TMEM33: variants seen among roughly 807,000 people sequenced by gnomAD.
The protein encoded by TMEM33 is transmembrane protein 33.
Under a neutral mutation model 29.7 loss-of-function variants are expected in TMEM33, and 16 were observed. The ratio of observed to expected loss-of-function variants is 0.54; its 90% CI spans 0.36 to 0.82. The LOEUF is 0.82. Ranked by LOEUF, TMEM33 falls within the 40% of genes least tolerant of loss-of-function variation. The probability of loss-of-function intolerance (pLI) is 0.00; values close to 1 mark genes in which losing one functional copy is unlikely to be tolerated. For synonymous variants in TMEM33, 112 were observed against 109.4 expected (o/e 1.02, Z -0.15); for missense variants, 252 against 295.3 (o/e 0.85, Z 1.08).
At position 41,954,342 on chromosome 4, in the gene TMEM33, T is replaced by A; in HGVS notation, c.*143T>A. 1 of 965,154 alleles carries A rather than the reference T, an allele frequency of 1.0e-6. No individual in the cohort carries two copies. Among genetic ancestry groups the A allele is most frequent in the Non-Finnish European group, 1.5e-6 (1 of 688,078 alleles). 59.8% of individuals were successfully genotyped at this position (965,154 alleles called of 1,614,324 possible). ...TAAATGCATCTCGGTGGAAAAATAA[T>A]CATTTTCTTGGCATGTTAAATCAAG... On this transcript the variant is annotated 3_prime_UTR_variant, in exon 7 of 7. Transcript: ENST00000504986.
At position 41,935,635 on chromosome 4, in the gene TMEM33, G is replaced by A; in HGVS notation, c.45+106G>A. 2.6e-6 allele frequency: 3 copies of A among 1,167,932 alleles called. No homozygotes were observed. In the South Asian group the frequency reaches 4.1e-5, roughly 16 times the overall value. The allele number at this position is 1,167,932 out of a possible 1,614,324, so 72.3% of individuals were successfully genotyped here. A position where few individuals can be genotyped will look rare whatever the true frequency, so the allele number is the denominator to read the frequency against. ...CCAGAAGCTCAGTGCATTCAGGAAT[G>A]GGATTAATGAGTTGGGGTGGGGAAG... is the stretch of plus-strand genomic sequence containing the variant. On this transcript the variant is annotated intron_variant, in intron 1 of 6. Coordinates refer to ENST00000504986, the MANE Select transcript of TMEM33 (RefSeq NM_018126.3).
intron 6 of TMEM33, 195 bp from the exon 7 acceptor site, chr4:41,953,875 T>C (rs1164367662): frequency 1.5e-6 from 1 of 645,682 alleles, no homozygotes; most frequent in Admixed American, 2.1e-5. Flanking sequence ...GTGGAAGAAT[T>C]GGCAAAGTGT....
chr4:41,945,059 C>T, intron 5 of TMEM33, 133 bp downstream of exon 5: 2 of 1,062,490 alleles, frequency 1.9e-6, no homozygotes, highest in South Asian at 3.5e-5. Context: ...TTAGCAGTTG[C>T]CTAATCTAAC....
At chr4:41,936,902 ATTTG>A (rs2153126245) in intron 1 of TMEM33, among the ~76,000 whole-genome samples, 1 of 152,242 alleles carries the variant, frequency 6.6e-6, no homozygotes, top group African/African-American at 2.4e-5. Context: ...TCATTGCAGA[ATTTG>A]TTTGATTATT....
chr4:41,955,278 T>C lies in TMEM33; in HGVS notation c.*1079T>C, dbSNP rs1211304504. 6.6e-6 allele frequency: 1 copy of C among 152,552 alleles called. No individual in the cohort carries two copies. The highest frequency in any genetic ancestry group is 1.5e-5 in the Non-Finnish European group (1 of 68,020). The allele number at this position is 152,552 out of a possible 1,614,324, so 9.4% of individuals were successfully genotyped here. On this transcript the variant is annotated 3_prime_UTR_variant, in exon 7 of 7. Transcript: ENST00000504986. Reference sequence around the variant, plus strand: ...AGGGGGAGGAGTTGTGGGGGAATAATGTGCATTTCAGTCTCAACGCATAGA... The same window carrying C: ...AGGGGGAGGAGTTGTGGGGGAATAACGTGCATTTCAGTCTCAACGCATAGA...
At chr4:41,938,117 A>G (rs1256213025) in intron 1 of TMEM33, among the ~76,000 whole-genome samples, 4 of 152,208 alleles carry the variant, frequency 2.6e-5, no homozygotes, top group South Asian at 2.1e-4. Context: ...TTTAATCCCA[A>G]CTGGCTTTAT....
chr4:41,936,606 C>T (rs1023493795), intron 1 of TMEM33, among the ~76,000 whole-genome samples: 2 of 152,100 alleles, frequency 1.3e-5, no homozygotes, highest in East Asian at 1.9e-4. Context: ...CCTATAGTCC[C>T]AGCATAGTCC....
At position 41,944,776 on chromosome 4, in the gene TMEM33, GTTTTC is replaced by G. The variant is rs1553910880; in HGVS notation, c.397-12_397-8del. 1 of 1,610,566 alleles carries G rather than the reference GTTTTC, an allele frequency of 6.2e-7. No homozygotes were observed. The highest frequency in any genetic ancestry group is 1.3e-5 in the African/African-American group (1 of 74,714). ...AATGCTTCACTTATTTCTAATGTTG[GTTTTC>G]TTTTGTTTTAGGCAAGGGGCTCAAA... On this transcript the variant is annotated splice_polypyrimidine_tract_variant and intron_variant, in intron 4 of 6. Transcript: ENST00000504986.
chr4:41,944,799 G>A lies in TMEM33; in HGVS notation c.403G>A (p.Gly135Ser), dbSNP rs763292104. 2 of 1,612,602 alleles carry A rather than the reference G, an allele frequency of 1.2e-6. No individual in the cohort carries two copies. Among genetic ancestry groups the A allele is most frequent in the South Asian group, 1.1e-5 (1 of 90,838 alleles). The change falls in exon 5 of 7, where the codon GGC (glycine) becomes AGC (serine). Residue 135 changes from glycine (G) to serine (S), a missense_variant. Coordinates refer to ENST00000504986, the MANE Select transcript of TMEM33 (RefSeq NM_018126.3). Reference sequence around the variant, plus strand: ...TGGTTTTCTTTTGTTTTAGGCAAGGGGCTCAAATAGTTTACCTCTGCTGAG... The same window carrying A: ...TGGTTTTCTTTTGTTTTAGGCAAGGAGCTCAAATAGTTTACCTCTGCTGAG... ...TYTKKVLDAR[G>S]SNSLPLLRSV...
Position 41,949,310 on chromosome 4 carries a change from G to A in TMEM33, c.539G>A (p.Gly180Glu), listed in dbSNP as rs555294085. 2 of 1,607,764 alleles carry A rather than the reference G, an allele frequency of 1.2e-6. No homozygotes were observed. The highest frequency in any genetic ancestry group is 1.7e-5 in the Admixed American group (1 of 59,134). The stretch of plus-strand genomic sequence containing the variant: ...GTATTTGTTTATTTCAGTGGTCAAG[G>A]AAGTTTGCTCCAACCTTTTATATAC... ...ATVFMLFSGQ[G>E]SLLQPFIYYR... The change falls in exon 6 of 7, where the codon GGA (glycine) becomes GAA (glutamate). Residue 180 changes from glycine (G) to glutamate (E), a missense_variant. By Grantham distance (98) the Gly-to-Glu change is moderately conservative. Transcript: ENST00000504986.
rs1713282906 is a variant in TMEM33 at position 41,956,487 on chromosome 4, C to A, written c.*2288C>A. ...TTTCCTTTTGTGTGCTCTGTTTATA[C>A]CATGATCCATGATTTTTTTAAAATC... On this transcript the variant is annotated 3_prime_UTR_variant, in exon 7 of 7. Coordinates refer to ENST00000504986, the MANE Select transcript of TMEM33 (RefSeq NM_018126.3). 6.6e-6 allele frequency: 1 copy of A among 151,714 alleles called. No homozygotes were observed. The allele number at this position is 151,714 out of a possible 1,614,324, so 9.4% of individuals were successfully genotyped here.
chr4:41,942,750 A>G (rs140835413), intron 3 of TMEM33, among the ~76,000 whole-genome samples: 136 of 152,264 alleles, frequency 8.9e-4, no homozygotes, highest in Admixed American at 1.6e-3. Flanking sequence ...ATGTATGTTT[A>G]TCCATGGCAT....
rs747354114 is a variant in TMEM33 at position 41,954,160 on chromosome 4, C to T, written c.705C>T (p.Ser235=). ...TTGTGAGAAGACTTTGTCTCCAGAG[C>T]ATTGCCTTTATAAGCAGATTGGCAC... ...PLFVRRLCLQ[S]IAFISRLAPT... is the part of the protein sequence containing the mutation. The change falls in exon 7 of 7, where the codon AGC becomes AGT. Residue 235 remains serine, a synonymous_variant. Transcript: ENST00000504986. 7 of 1,613,804 alleles carry T rather than the reference C, an allele frequency of 4.3e-6. No individual in the cohort carries two copies. The highest frequency in any genetic ancestry group is 1.6e-4 in the Middle Eastern group (1 of 6,084).
rs1421480755 is a variant in TMEM33, at chr4:41,944,793, G to T, written c.397G>T (p.Ala133Ser). 5.6e-6 allele frequency: 9 copies of T among 1,612,108 alleles called. No homozygotes were observed. Among genetic ancestry groups the T allele is most frequent in the Non-Finnish European group, 7.6e-6 (9 of 1,179,426 alleles). The change falls in exon 5 of 7, where the codon GCA (alanine) becomes TCA (serine). Residue 133 changes from alanine (A) to serine (S), a missense_variant and splice_region_variant. By Grantham distance (99) the Ala-to-Ser change is moderately conservative. Coordinates refer to ENST00000504986, the MANE Select transcript of TMEM33 (RefSeq NM_018126.3). ...AATYTKKVLD[A>S]RGSNSLPLLR... is the part of the protein sequence containing the mutation. ...TAATGTTGGTTTTCTTTTGTTTTAG[G>T]CAAGGGGCTCAAATAGTTTACCTCT...
intron 1 of TMEM33, 96 bp downstream of exon 1, chr4:41,935,625 A>C: frequency 7.9e-7 from 1 of 1,260,050 alleles, no homozygotes. Flanking sequence ...AGCTCAGTGC[A>C]TTCAGGAATG....
At position 41,939,274 on chromosome 4, in the gene TMEM33, A is replaced by G; in HGVS notation, c.219A>G (p.Arg73=). Reference sequence around the variant, plus strand: ...CCAGTGCTCTGAGGCTGCATCAAAGATTACCACACTTCCAGTTAAGCAGAG... The same window carrying G: ...CCAGTGCTCTGAGGCTGCATCAAAGGTTACCACACTTCCAGTTAAGCAGAG... ...ALTSALRLHQ[R]LPHFQLSRAF... Residue 73 remains arginine (R), a synonymous_variant, in exon 3 of 7, where the codon AGA becomes AGG. Coordinates refer to ENST00000504986, the MANE Select transcript of TMEM33 (RefSeq NM_018126.3). 1.9e-6 allele frequency: 3 copies of G among 1,613,678 alleles called. No individual in the cohort carries two copies. The highest frequency in any genetic ancestry group is 4.5e-5 in the East Asian group (2 of 44,880).
chr4:41,936,233 G>A (rs1214746248), intron 1 of TMEM33, among the ~76,000 whole-genome samples: 1 of 152,168 alleles, frequency 6.6e-6, no homozygotes, highest in Non-Finnish European at 1.5e-5. Flanking sequence ...CTTCATCTGG[G>A]ATTCTGTCAA....
At chr4:41,950,492 G>A (rs749491839) in intron 6 of TMEM33, among the ~76,000 whole-genome samples, 14 of 152,088 alleles carry the variant, frequency 9.2e-5, no homozygotes, top group Non-Finnish European at 1.5e-4. Context: ...GGGGTGAAGC[G>A]AAGTAATATT....
intron 6 of TMEM33, chr4:41,953,803 T>C (rs772334497): frequency 2.0e-6 from 1 of 490,042 alleles, no homozygotes; most frequent in South Asian, 1.5e-5. Flanking sequence ...ACCAAAGAGA[T>C]CACCGTAACA....
Sources: gnomAD v4.1 joint callset for allele counts (sites outside exome capture counted in the v4.1 genomes callset) on GRCh38, gnomAD v4.1.1 for gene constraint, MANE v1.5 for transcripts, NCBI Gene and HGNC (gene_info 2026-07-23, HGNC 2026-07-21) for gene names.